AGMO: variants seen among roughly 807,000 people sequenced by gnomAD.
The protein encoded by AGMO is glyceryl-ether monooxygenase.
In AGMO, 75 loss-of-function variants were observed where a neutral mutation model predicts 60.2. That is an observed-to-expected ratio of 1.25 (90% CI 1.03 to 1.51). AGMO has a LOEUF of 1.51. Ranked by LOEUF, AGMO falls within the 40% of genes most tolerant of loss-of-function variation. The probability of loss-of-function intolerance (pLI) is 0.00; values close to 1 mark genes in which losing one functional copy is unlikely to be tolerated. For synonymous variants in AGMO, 261 were observed against 177.1 expected, an observed-to-expected ratio of 1.47 and a Z score of -3.76; for missense variants, 763 against 525.5, an observed-to-expected ratio of 1.45 and a Z score of -4.42.
chr7:15,163,687 A>G, the AGMO span, among the ~76,000 whole-genome samples: 6 of 151,934 alleles, frequency 3.9e-5, no homozygotes, highest in Non-Finnish European at 8.8e-5. Context: ...ATCATGATGT[A>G]TTATCTTTTT....
intron 12 of AGMO, among the ~76,000 whole-genome samples, chr7:15,299,322 G>C (rs1412575244): frequency 1.3e-5 from 2 of 152,038 alleles, no homozygotes; most frequent in Non-Finnish European, 2.9e-5. Flanking sequence ...TCTGACCTGT[G>C]CTGTTTATAC....
the AGMO span, among the ~76,000 whole-genome samples, chr7:15,188,678 C>T: frequency 3.3e-5 from 5 of 151,994 alleles, no homozygotes; most frequent in South Asian, 2.1e-4. Flanking sequence ...TATGTGGAAA[C>T]GAGAAAATTG....
At chr7:15,413,517 G>A (rs184726714) in intron 5 of AGMO, among the ~76,000 whole-genome samples, 16 of 152,142 alleles carry the variant, frequency 1.1e-4, no homozygotes, top group Middle Eastern at 3.4e-3. Context: ...ACAGTGGCAC[G>A]TTGTAGTCAA....
At chr7:15,320,114 G>A (rs1274275986) in intron 12 of AGMO, among the ~76,000 whole-genome samples, 1 of 95,322 alleles carries the variant, frequency 1.0e-5, no homozygotes, top group Non-Finnish European at 2.0e-5. Flanking sequence ...GGCCTGTTGT[G>A]GGGTGGGGGA....
chr7:15,177,919 C>A, the AGMO span, among the ~76,000 whole-genome samples: 1 of 152,082 alleles, frequency 6.6e-6, no homozygotes, highest in Non-Finnish European at 1.5e-5. Flanking sequence ...CACCATATGT[C>A]TCTCAATAAA....
chr7:15,463,207 A>T (rs761840286), intron 3 of AGMO, among the ~76,000 whole-genome samples: 3 of 152,192 alleles, frequency 2.0e-5, no homozygotes, highest in Non-Finnish European at 2.9e-5. Context: ...GCCAGATTGC[A>T]AACAGAGGCT....
intron 3 of AGMO, among the ~76,000 whole-genome samples, chr7:15,519,624 C>T (rs971605622): frequency 1.3e-5 from 2 of 152,096 alleles, no homozygotes; most frequent in Admixed American, 1.3e-4. Context: ...TTTGTCACCA[C>T]CAGGCCTGCC....
chr7:15,477,671 A>AT (rs1244491433), intron 3 of AGMO, among the ~76,000 whole-genome samples: 20 of 152,256 alleles, frequency 1.3e-4, no homozygotes, highest in Admixed American at 9.8e-4. Context: ...ACTGTTTCAG[A>AT]TATCAAATTT....
intron 2 of AGMO, among the ~76,000 whole-genome samples, chr7:15,551,446 A>T (rs1784957743): frequency 6.7e-6 from 1 of 149,532 alleles, no homozygotes; most frequent in African/African-American, 2.5e-5. Flanking sequence ...AATCTCCTTA[A>T]GCTGATAAGC....
At chr7:15,525,865 C>G (rs572352812) in intron 3 of AGMO, among the ~76,000 whole-genome samples, 1 of 152,174 alleles carries the variant, frequency 6.6e-6, no homozygotes, top group African/African-American at 2.4e-5. Flanking sequence ...TGTAACACAC[C>G]CTCTGGGGCC....
At chr7:15,275,636 T>TGG (rs1203005203) in intron 12 of AGMO, among the ~76,000 whole-genome samples, 1 of 152,192 alleles carries the variant, frequency 6.6e-6, no homozygotes, top group Non-Finnish European at 1.5e-5. Flanking sequence ...CTGTCACCAG[T>TGG]GGGGTGTTAA....
intron 12 of AGMO, among the ~76,000 whole-genome samples, chr7:15,209,901 C>A (rs1175301445): frequency 6.6e-6 from 1 of 151,952 alleles, no homozygotes; most frequent in Non-Finnish European, 1.5e-5. Flanking sequence ...TAAGACTTGG[C>A]AATATAGGTA....
intron 12 of AGMO, among the ~76,000 whole-genome samples, chr7:15,290,960 A>G (rs992167290): frequency 2.6e-5 from 4 of 152,174 alleles, no homozygotes; most frequent in Non-Finnish European, 5.9e-5. Context: ...AGGATGGATA[A>G]TAGAGTCTAG....
chr7:15,304,258 C>A (rs1056465843), intron 12 of AGMO, among the ~76,000 whole-genome samples: 1 of 152,100 alleles, frequency 6.6e-6, no homozygotes, highest in Admixed American at 6.6e-5. Context: ...CTTTTAAAGT[C>A]TCTTTCATCC....
At chr7:15,502,715 G>A (rs971792546) in intron 3 of AGMO, among the ~76,000 whole-genome samples, 4 of 152,058 alleles carry the variant, frequency 2.6e-5, no homozygotes, top group African/African-American at 7.2e-5. Flanking sequence ...CGCTAGGTAT[G>A]AAGAAACAAG....
chr7:15,348,002 T>C lies in AGMO; in HGVS notation c.1263+17512A>G, dbSNP rs1457751046. Among the ~76,000 whole-genome samples the C allele has an allele frequency of 5.3e-5, 8 of 152,212 alleles. No homozygotes were observed. In the East Asian group the frequency reaches 1.5e-3, roughly 29 times the overall value. On this transcript the variant is annotated intron_variant, in intron 12 of 12. Coordinates refer to ENST00000342526, the MANE Select transcript of AGMO (RefSeq NM_001004320.2). ...TAAATATAGTTTACTCAGCTCTTGATCTCAAAGACATTTTCCTGAAGTTAA... is the reference window on the plus strand; with the variant it reads ...TAAATATAGTTTACTCAGCTCTTGACCTCAAAGACATTTTCCTGAAGTTAA...
chr7:15,542,866 C>A (rs999796721), intron 3 of AGMO, among the ~76,000 whole-genome samples: 7 of 152,102 alleles, frequency 4.6e-5, no homozygotes, highest in African/African-American at 1.7e-4. Context: ...TTTTCTAACT[C>A]ATATATTCAC....
rs1027445921 is a variant in AGMO at position 15,451,087 on chromosome 7, A to C, written c.410-19979T>G. On this transcript the variant is annotated intron_variant, in intron 3 of 12. Transcript: ENST00000342526. ...TGAAAATTAAAAAAAAATTAGCAGA[A>C]GACATTTAAATTCCATCCTTTCATC... is the stretch of plus-strand genomic sequence containing the variant. Among the ~76,000 whole-genome samples the C allele has an allele frequency of 4.4e-4, 67 of 152,152 alleles. 2 individuals carry two copies. The highest frequency in any genetic ancestry group is 1.0e-4 in the Non-Finnish European group (7 of 68,030).
At chr7:15,188,925 G>C in the AGMO span, among the ~76,000 whole-genome samples, 2 of 152,226 alleles carry the variant, frequency 1.3e-5, no homozygotes, top group South Asian at 2.1e-4. Flanking sequence ...GTGTCCAAGA[G>C]AGAATCGGAG....
Sources: gnomAD v4.1 joint callset for allele counts (sites outside exome capture counted in the v4.1 genomes callset) on GRCh38, gnomAD v4.1.1 for gene constraint, MANE v1.5 for transcripts, NCBI Gene and HGNC (gene_info 2026-07-23, HGNC 2026-07-21) for gene names.